The following TOR3A variants were observed in gnomAD, a reference collection of about 807,000 sequenced individuals.
The protein encoded by TOR3A is torsin-3A.
Under a neutral mutation model 42.1 loss-of-function variants are expected in TOR3A, and 44 were observed. The ratio of observed to expected loss-of-function variants is 1.04; its 90% CI spans 0.82 to 1.34. The LOEUF (loss-of-function observed/expected upper bound fraction) is 1.34. Ranked by LOEUF, TOR3A falls within the 40% of genes most tolerant of loss-of-function variation. TOR3A has a pLI of 0.00. For synonymous variants in TOR3A, 227 were observed against 213.2 expected, an observed-to-expected ratio of 1.06 and a Z score of -0.57; for missense variants, 521 against 507.6, an observed-to-expected ratio of 1.03 and a Z score of -0.25.
chr1:179,085,999 G>A, intron 3 of TOR3A, 106 bp downstream of exon 3: 1 of 1,424,168 alleles, frequency 7.0e-7, no homozygotes, highest in Non-Finnish European at 9.5e-7. Context: ...GGGGAGGTGG[G>A]GACAGGTGGC....
At chr1:179,094,323 A>C (rs1652676162) in intron 5 of TOR3A, 106 bp downstream of exon 5, 1 of 1,405,900 alleles carries the variant, frequency 7.1e-7, no homozygotes. Flanking sequence ...TTGGGAACAC[A>C]GAGGGCAGAC....
At chr1:179,094,507 G>A (rs191557385) in intron 5 of TOR3A, among the ~76,000 whole-genome samples, 230 of 152,300 alleles carry the variant, frequency 1.5e-3, no homozygotes, top group Non-Finnish European at 2.5e-3. Flanking sequence ...ACCTAAAGGA[G>A]ACACAGCTGT....
At chr1:179,092,394 T>G (rs1304533853) in intron 4 of TOR3A, among the ~76,000 whole-genome samples, 1 of 152,202 alleles carries the variant, frequency 6.6e-6, no homozygotes, top group Non-Finnish European at 1.5e-5. Flanking sequence ...CTGCCTTCCC[T>G]GTCCTTTACC....
chr1:179,095,073 CCTTCCTGA>C lies in TOR3A; in HGVS notation c.1050_1057del (p.Phe351ProfsTer6). On this transcript the variant is annotated frameshift_variant, in exon 6 of 6. Coordinates refer to ENST00000367627, the MANE Select transcript of TOR3A (RefSeq NM_022371.4). LOFTEE classifies it high-confidence loss of function. ...CACGTGAGGCTGTGTGCACGGGATGCCTTCCTGAGCCAGGAGCTCCTGTATAAAGAAGA... is the reference window on the plus strand; with the variant it reads ...CACGTGAGGCTGTGTGCACGGGATGCGCCAGGAGCTCCTGTATAAAGAAGA... 1 of 1,614,154 alleles carries C rather than the reference CCTTCCTGA, an allele frequency of 6.2e-7. No individual in the cohort carries two copies.
intron 1 of TOR3A, chr1:179,082,713 T>C: frequency 1.4e-6 from 1 of 703,544 alleles, no homozygotes; most frequent in South Asian, 1.5e-5. Flanking sequence ...GTGTTGCTCT[T>C]GACAGCTCTA....
At position 179,095,893 on chromosome 1, in the gene TOR3A, A is replaced by G; in HGVS notation, c.*675A>G. 4 of 984,282 alleles carry G rather than the reference A, an allele frequency of 4.1e-6. No individual in the cohort carries two copies. Among genetic ancestry groups the G allele is most frequent in the Non-Finnish European group, 4.8e-6 (4 of 829,842 alleles). 61.0% of individuals were successfully genotyped at this position (984,282 alleles called of 1,614,324 possible). ...GTGTAGGCCAAGACTTATGGTCTAC[A>G]GATTTTGGCGGGGGAGGGGGGACCT... On this transcript the variant is annotated 3_prime_UTR_variant, in exon 6 of 6. Coordinates refer to ENST00000367627, the MANE Select transcript of TOR3A (RefSeq NM_022371.4).
rs1652301270 is a variant in TOR3A, at chr1:179,082,125, G to C, written c.-4G>C. The C allele has an allele frequency of 3.4e-6, 5 of 1,487,400 alleles. No homozygotes were observed. The highest frequency in any genetic ancestry group is 2.7e-5 in the East Asian group (1 of 36,766). The allele number at this position is 1,487,400 out of a possible 1,614,324, so 92.1% of individuals were successfully genotyped here. A position where few individuals can be genotyped will look rare whatever the true frequency, so the allele number is the denominator to read the frequency against. ...CCGGATGGTCCCGCAGCTCGGGGCC[G>C]GCCATGCTTCGCGGTCCGTGGCGCC... On this transcript the variant is annotated 5_prime_UTR_variant, in exon 1 of 6. Transcript: ENST00000367627.
In TOR3A at chr1:179,082,079, G is replaced by A. The variant is rs1475067789; in HGVS notation, c.-50G>A. On this transcript the variant is annotated 5_prime_UTR_variant, in exon 1 of 6. Coordinates refer to ENST00000367627, the MANE Select transcript of TOR3A (RefSeq NM_022371.4). ...CCCGCCTGACCGCCCCGGGCTTAAG[G>A]GAGCCTGGCTAGGCCGGCAGCCGGA... 3.5e-6 allele frequency: 5 copies of A among 1,417,458 alleles called. No individual in the cohort carries two copies. Among genetic ancestry groups the A allele is most frequent in the East Asian group, 2.9e-5 (1 of 34,554 alleles). 87.8% of individuals were successfully genotyped at this position (1,417,458 alleles called of 1,614,324 possible). A position where few individuals can be genotyped will look rare whatever the true frequency, so the allele number is the denominator to read the frequency against.
At chr1:179,082,424 G>A (rs1188209847) in intron 1 of TOR3A, 37 bp downstream of exon 1, 4 of 1,569,724 alleles carry the variant, frequency 2.5e-6, no homozygotes, top group Non-Finnish European at 3.4e-6. Context: ...GTTCGCTGCG[G>A]AGCAGAGTGC....
intron 4 of TOR3A, among the ~76,000 whole-genome samples, chr1:179,091,007 T>C (rs112793489): frequency 5.9e-5 from 9 of 152,340 alleles, no homozygotes; most frequent in South Asian, 4.1e-4. Context: ...GCCTGTTGAC[T>C]AATGAGAGGA....
At chr1:179,087,579 AGAG>A (rs1037515233) in intron 3 of TOR3A, among the ~76,000 whole-genome samples, 56 of 152,188 alleles carry the variant, frequency 3.7e-4, no homozygotes, top group Middle Eastern at 3.2e-3. Context: ...GTAGTCCTGG[AGAG>A]GAGAGAGCAG....
intron 4 of TOR3A, among the ~76,000 whole-genome samples, chr1:179,088,841 G>A (rs1355372759): frequency 6.6e-6 from 1 of 152,180 alleles, no homozygotes; most frequent in East Asian, 1.9e-4. Flanking sequence ...TCTGTTACAA[G>A]TCAAGTTTGG....
In TOR3A at chr1:179,087,869, A is replaced by T; in HGVS notation, c.640-42A>T. 5 of 1,502,696 alleles carry T rather than the reference A, an allele frequency of 3.3e-6. No individual in the cohort carries two copies. In the South Asian group the frequency reaches 6.8e-5, roughly 20 times the overall value. The allele number at this position is 1,502,696 out of a possible 1,614,324, so 93.1% of individuals were successfully genotyped here. A position where few individuals can be genotyped will look rare whatever the true frequency, so the allele number is the denominator to read the frequency against. ...CCACGCCCTCAAGGCCGGAGGTGGAAGGAGTCACCACTTCCCCAGCTGCTC... is the reference window on the plus strand; with the variant it reads ...CCACGCCCTCAAGGCCGGAGGTGGATGGAGTCACCACTTCCCCAGCTGCTC... On this transcript the variant is annotated intron_variant, in intron 3 of 5. Transcript: ENST00000367627.
rs1443506197 is a variant in TOR3A at position 179,094,994 on chromosome 1, G to C, written c.970G>C (p.Val324Leu). 6.2e-7 allele frequency: 1 copy of C among 1,614,194 alleles called. No homozygotes were observed. The highest frequency in any genetic ancestry group is 8.5e-7 in the Non-Finnish European group (1 of 1,180,050). Residue 324 changes from valine to leucine, a missense_variant, in exon 6 of 6, where the codon GTG becomes CTG. Physicochemically the swap from Val to Leu is conservative, Grantham distance 32. Coordinates refer to ENST00000367627, the MANE Select transcript of TOR3A (RefSeq NM_022371.4). ...IDNGFGHSRLVKENLIDYFIP... is the reference protein window; with the variant it reads ...IDNGFGHSRLLKENLIDYFIP... ...CAATGGCTTTGGCCACAGCCGTCTTGTGAAGGAAAACCTGATTGACTACTT... is the reference window on the plus strand; with the variant it reads ...CAATGGCTTTGGCCACAGCCGTCTTCTGAAGGAAAACCTGATTGACTACTT...
chr1:179,093,805 CAGA>C (rs965468326), intron 4 of TOR3A, among the ~76,000 whole-genome samples: 1 of 152,172 alleles, frequency 6.6e-6, no homozygotes, highest in Non-Finnish European at 1.5e-5. Context: ...TCAGACCACA[CAGA>C]AGAACCATAT....
In TOR3A at chr1:179,095,215, A is replaced by G. The variant is rs759988377; in HGVS notation, c.1191A>G (p.Ser397=). The G allele has an allele frequency of 1.2e-6, 2 of 1,614,052 alleles. No homozygotes were observed. The highest frequency in any genetic ancestry group is 1.7e-6 in the Non-Finnish European group (2 of 1,180,008). The part of the protein sequence containing the change: ...SISQRINYFL[S] ...CCCAGAGGATTAACTACTTCCTGTC[A>G]TGAAGGCTAGAGGAAGACTTCCTGG... The change falls in exon 6 of 6, where the codon TCA becomes TCG. Residue 397 remains serine (S), a synonymous_variant. Transcript: ENST00000367627.
chr1:179,082,238 G>T lies in TOR3A; in HGVS notation c.110G>T (p.Gly37Val). The T allele has an allele frequency of 6.6e-7, 1 of 1,526,020 alleles. No individual in the cohort carries two copies. Among genetic ancestry groups the T allele is most frequent in the Non-Finnish European group, 8.7e-7 (1 of 1,144,652 alleles). 94.5% of individuals were successfully genotyped at this position (1,526,020 alleles called of 1,614,324 possible). A position where few individuals can be genotyped will look rare whatever the true frequency, so the allele number is the denominator to read the frequency against. Residue 37 changes from glycine to valine, a missense_variant, in exon 1 of 6, where the codon GGC (glycine) becomes GTC (valine). Gly to Val is a moderately radical substitution (Grantham distance 109). Transcript: ENST00000367627. ...SRPWEGTDEP[G>V]SAWAWPGFQR... Reference sequence around the variant, plus strand: ...CCGTGGGAGGGAACCGACGAGCCGGGCTCGGCCTGGGCCTGGCCGGGCTTC... The same window carrying T: ...CCGTGGGAGGGAACCGACGAGCCGGTCTCGGCCTGGGCCTGGCCGGGCTTC...
In TOR3A at chr1:179,095,125, C is replaced by T. The variant is rs537709589; in HGVS notation, c.1101C>T (p.Ala367=). ...LYKEETLDEI[A]QMMVYVPKEE... Reference sequence around the variant, plus strand: ...AAGAAGAGACACTGGATGAAATAGCCCAGATGATGGTGTATGTCCCCAAGG... The same window carrying T: ...AAGAAGAGACACTGGATGAAATAGCTCAGATGATGGTGTATGTCCCCAAGG... The change falls in exon 6 of 6, where the codon GCC becomes GCT. Residue 367 remains alanine (A), a synonymous_variant. Coordinates refer to ENST00000367627, the MANE Select transcript of TOR3A (RefSeq NM_022371.4). 1 of 1,614,128 alleles carries T rather than the reference C, an allele frequency of 6.2e-7. No individual in the cohort carries two copies. Among genetic ancestry groups the T allele is most frequent in the South Asian group, 1.1e-5 (1 of 91,088 alleles).
rs753736206 is a variant in TOR3A at position 179,082,959 on chromosome 1, G to A, written c.279G>A (p.Leu93=). 1 of 1,579,536 alleles carries A rather than the reference G, an allele frequency of 6.3e-7. No individual in the cohort carries two copies. The highest frequency in any genetic ancestry group is 8.6e-7 in the Non-Finnish European group (1 of 1,163,218). ...TGPLGWRLPL[L]GQRYLDLLTT... ...TTCCAGGCTGGCGCCTTCCTCTGTT[G>A]GGCCAGCGGTACCTGGACCTCCTGA... The change falls in exon 2 of 6, where the codon TTG becomes TTA. Residue 93 remains leucine (L), a synonymous_variant. Coordinates refer to ENST00000367627, the MANE Select transcript of TOR3A (RefSeq NM_022371.4).
Sources: gnomAD v4.1 joint callset for allele counts (sites outside exome capture counted in the v4.1 genomes callset) on GRCh38, gnomAD v4.1.1 for gene constraint, MANE v1.5 for transcripts, NCBI Gene and HGNC (gene_info 2026-07-23, HGNC 2026-07-21) for gene names.